Variants in MECR observed in about 807,000 individuals in gnomAD.
MECR encodes mitochondrial trans-2-enoyl-CoA reductase.
A neutral mutation model predicts 49.1 loss-of-function variants in MECR; 37 were observed. That is an observed-to-expected ratio of 0.75 (90% CI 0.58 to 0.99). MECR has a LOEUF of 0.99. MECR is among the 50% of genes least tolerant of loss of function. MECR has a pLI of 0.00. For synonymous variants in MECR, 198 were observed against 191.1 expected (o/e 1.04, Z -0.30); for missense variants, 470 against 479.6 (o/e 0.98, Z 0.19).
the MECR span, among the ~76,000 whole-genome samples, chr1:29,182,888 C>T: frequency 6.6e-6 from 1 of 152,156 alleles, no homozygotes; most frequent in Admixed American, 6.5e-5. Context: ...TAATGTATAC[C>T]CATCTCAAGG....
chr1:29,194,916 G>C (rs1271525612), intron 9 of MECR, among the ~76,000 whole-genome samples: 1 of 152,056 alleles, frequency 6.6e-6, no homozygotes, highest in East Asian at 1.9e-4. Context: ...AGGAGTTTGA[G>C]ACCAGCCTGG....
the MECR span, among the ~76,000 whole-genome samples, chr1:29,182,181 C>G: frequency 6.6e-6 from 1 of 152,336 alleles, no homozygotes; most frequent in South Asian, 2.1e-4. Flanking sequence ...AGCGTTTGTG[C>G]TTTTGTCCTT....
chr1:29,216,797 C>T, intron 1 of MECR, 112 bp from the exon 2 acceptor site: 2 of 1,573,696 alleles, frequency 1.3e-6, no homozygotes, highest in South Asian at 2.3e-5. Context: ...GCCATGTGTG[C>T]CCAGGAATTA....
At chr1:29,178,445 G>A in the MECR span, among the ~76,000 whole-genome samples, 5 of 148,706 alleles carry the variant, frequency 3.4e-5, no homozygotes, top group African/African-American at 7.4e-5. Context: ...CCAGGTTCAC[G>A]CCATTCTCCT....
At chr1:29,176,178 AAAG>A in the MECR span, among the ~76,000 whole-genome samples, 3 of 151,914 alleles carry the variant, frequency 2.0e-5, no homozygotes, top group Non-Finnish European at 4.4e-5. Flanking sequence ...CTTGAACCCA[AAAG>A]GCGGAAGTTG....
chr1:29,182,611 T>G, the MECR span, among the ~76,000 whole-genome samples: 9 of 152,048 alleles, frequency 5.9e-5, no homozygotes, highest in East Asian at 1.7e-3. Flanking sequence ...TGGCGCGACC[T>G]CAGCTCACTG....
the MECR span, among the ~76,000 whole-genome samples, chr1:29,175,586 T>C: frequency 6.9e-6 from 1 of 145,730 alleles, no homozygotes; most frequent in Non-Finnish European, 1.5e-5. Flanking sequence ...TCCCAGCTAC[T>C]TGAGAGGCTG....
chr1:29,228,766 C>G (rs1227701361), intron 1 of MECR: 1 of 152,128 alleles, frequency 6.6e-6, no homozygotes, highest in African/African-American at 2.4e-5. Context: ...AATTAGGAGG[C>G]AACTGCATTC....
the MECR span, chr1:29,181,675 C>T: frequency 6.3e-7 from 1 of 1,597,384 alleles, no homozygotes; most frequent in Non-Finnish European, 8.5e-7. Context: ...CCAGGATCTT[C>T]CCGTAGCCCT....
At chr1:29,221,851 T>C (rs894953522) in intron 1 of MECR, among the ~76,000 whole-genome samples, 1 of 152,182 alleles carries the variant, frequency 6.6e-6, no homozygotes, top group African/African-American at 2.4e-5. Context: ...TGTCGATGGC[T>C]TACTGAGCTC....
intron 3 of MECR, among the ~76,000 whole-genome samples, chr1:29,208,220 G>C (rs1254679534): frequency 6.6e-6 from 1 of 152,150 alleles, no homozygotes; most frequent in East Asian, 1.9e-4. Flanking sequence ...TCGAACTCCT[G>C]ACCACAGCTG....
the MECR span, among the ~76,000 whole-genome samples, chr1:29,183,359 C>T: frequency 6.6e-6 from 1 of 152,198 alleles, no homozygotes; most frequent in African/African-American, 2.4e-5. Flanking sequence ...TTTGTTATTA[C>T]ACTGCTGCAG....
At chr1:29,192,525 C>T (rs1052587504), downstream of MECR, among the ~76,000 whole-genome samples, 1 of 152,130 alleles carries the variant, frequency 6.6e-6, no homozygotes, top group African/African-American at 2.4e-5. Context: ...GCTAAGCAAC[C>T]TGAGGGCCAG....
At chr1:29,213,641 T>C (rs1293391529) in intron 3 of MECR, among the ~76,000 whole-genome samples, 7 of 152,228 alleles carry the variant, frequency 4.6e-5, no homozygotes, top group Non-Finnish European at 1.5e-5. Context: ...ATATGCTCAT[T>C]TGTTTGTTTT....
intron 4 of MECR, among the ~76,000 whole-genome samples, chr1:29,205,581 C>T (rs1180135254): frequency 3.3e-5 from 5 of 151,726 alleles, no homozygotes; most frequent in Non-Finnish European, 5.9e-5. Flanking sequence ...CCTGTAATCC[C>T]AGCACTTTGG....
rs1190745314 is a variant in MECR, at chr1:29,230,826, G to T, written c.81C>A (p.His27Gln). 2.5e-6 allele frequency: 4 copies of T among 1,608,204 alleles called. No homozygotes were observed. The highest frequency in any genetic ancestry group is 3.4e-5 in the Admixed American group (2 of 59,664). The change falls in exon 1 of 10, where the codon CAC becomes CAA. Residue 27 changes from histidine to glutamine, a missense_variant. By Grantham distance (24) the His-to-Gln change is conservative (BLOSUM62 0). Coordinates refer to ENST00000263702, the MANE Select transcript of MECR (RefSeq NM_016011.5). Reference protein sequence around the residue: ...WRGLLPASGCHGPAASSYSAS... With the variant: ...WRGLLPASGCQGPAASSYSAS... ...CGGAGTAGGAGGAGGCGGCAGGTCC[G>T]TGACAGCCAGAAGCTGGGAGCAGCC...
chr1:29,184,821 TG>T, the MECR span, among the ~76,000 whole-genome samples: 5 of 152,220 alleles, frequency 3.3e-5, no homozygotes, highest in African/African-American at 1.2e-4. Flanking sequence ...TTTTCCTGCC[TG>T]GTCTTAAACT....
chr1:29,188,788 C>T (rs936973724), downstream of MECR, among the ~76,000 whole-genome samples: 4 of 151,660 alleles, frequency 2.6e-5, no homozygotes, highest in South Asian at 2.1e-4. Context: ...TACAGGCGCC[C>T]GCTACCATAC....
intron 4 of MECR, among the ~76,000 whole-genome samples, chr1:29,204,230 A>T (rs989025866): frequency 6.6e-6 from 1 of 152,096 alleles, no homozygotes; most frequent in African/African-American, 2.4e-5. Flanking sequence ...TAAAAAAAAA[A>T]AGTGCCCCCG....
Sources: allele counts gnomAD v4.1 joint callset (sites outside exome capture counted in the v4.1 genomes callset), GRCh38; gene constraint gnomAD v4.1.1; transcripts MANE v1.5; gene names NCBI Gene and HGNC (gene_info 2026-07-23, HGNC 2026-07-21).